The following ZFAT variants were observed in gnomAD, a reference collection of about 807,000 sequenced individuals.
ZFAT encodes the protein zinc finger protein ZFAT.
A neutral mutation model predicts 117.7 loss-of-function variants in ZFAT; 64 were observed. The ratio of observed to expected loss-of-function variants is 0.54; its 90% CI spans 0.44 to 0.67. The LOEUF is 0.67. Ranked by LOEUF, ZFAT falls within the 30% of genes least tolerant of loss-of-function variation. The pLI is 0.00. For synonymous variants in ZFAT, 679 were observed against 615.0 expected (o/e 1.10, Z -1.54); for missense variants, 1,433 against 1,584.5 (o/e 0.90, Z 1.62).
chr8:134,680,388 T>C (rs1489740514), intron 1 of ZFAT, among the ~76,000 whole-genome samples: 2 of 152,116 alleles, frequency 1.3e-5, no homozygotes, highest in African/African-American at 4.8e-5. Flanking sequence ...AAATTTGGAT[T>C]GTAATAAAAA....
At chr8:134,803,075 A>G in the ZFAT span, among the ~76,000 whole-genome samples, 221 of 152,358 alleles carry the variant, frequency 1.5e-3, 2 homozygotes, top group African/African-American at 5.1e-3. Context: ...CAAATGTTAC[A>G]TAACACAGAT....
chr8:134,724,383 G>T, the ZFAT span, among the ~76,000 whole-genome samples: 1 of 152,272 alleles, frequency 6.6e-6, no homozygotes, highest in East Asian at 1.9e-4. Flanking sequence ...CAGAAAGAAC[G>T]CATGCCCCTG....
At chr8:134,547,920 T>C (rs907661673) in intron 11 of ZFAT, among the ~76,000 whole-genome samples, 1 of 152,182 alleles carries the variant, frequency 6.6e-6, no homozygotes, top group African/African-American at 2.4e-5. Context: ...ATGTTTTATC[T>C]TGTATTAACC....
chr8:134,635,508 G>A (rs990702964), intron 3 of ZFAT, among the ~76,000 whole-genome samples: 2 of 152,204 alleles, frequency 1.3e-5, no homozygotes, highest in Admixed American at 1.3e-4. Flanking sequence ...AGAAACTACA[G>A]ACAGCAGAGC....
At chr8:134,677,331 C>A (rs1294249588) in intron 1 of ZFAT, among the ~76,000 whole-genome samples, 1 of 152,180 alleles carries the variant, frequency 6.6e-6, no homozygotes, top group Non-Finnish European at 1.5e-5. Flanking sequence ...TGCAAATAAA[C>A]TAGAAAATCT....
intron 3 of ZFAT, among the ~76,000 whole-genome samples, chr8:134,621,644 G>A (rs911057957): frequency 1.3e-5 from 2 of 151,974 alleles, no homozygotes; most frequent in Admixed American, 1.3e-4. Flanking sequence ...TTTTTTAACT[G>A]GCAGGAGCTT....
chr8:134,721,291 C>T, the ZFAT span, among the ~76,000 whole-genome samples: 1 of 152,164 alleles, frequency 6.6e-6, no homozygotes, highest in Non-Finnish European at 1.5e-5. Flanking sequence ...CACCCGGGCC[C>T]GATGTGAAAT....
At chr8:134,816,767 G>A in the ZFAT span, among the ~76,000 whole-genome samples, 3 of 152,216 alleles carry the variant, frequency 2.0e-5, no homozygotes, top group East Asian at 3.9e-4. Context: ...TGGATCAGGA[G>A]GTCAGGAGTT....
At chr8:134,640,851 T>C (rs769865550) in intron 2 of ZFAT, among the ~76,000 whole-genome samples, 3 of 152,246 alleles carry the variant, frequency 2.0e-5, no homozygotes, top group African/African-American at 7.2e-5. Flanking sequence ...TCGCATTTTA[T>C]GGCAGAGCTG....
chr8:134,817,394 TACACACAC>T, the ZFAT span, among the ~76,000 whole-genome samples: 612 of 126,064 alleles, frequency 4.9e-3, 2 homozygotes, highest in African/African-American at 0.01. Context: ...TCTCTCTCTC[TACACACAC>T]ACACACACAC....
chr8:134,480,883 T>A (rs1295828657), intron 15 of ZFAT, among the ~76,000 whole-genome samples: 1 of 152,008 alleles, frequency 6.6e-6, no homozygotes. Flanking sequence ...TCTCCATGAG[T>A]GAGAAGGGCT....
At chr8:134,813,240 T>C in the ZFAT span, among the ~76,000 whole-genome samples, 1 of 152,224 alleles carries the variant, frequency 6.6e-6, no homozygotes, top group Non-Finnish European at 1.5e-5. Flanking sequence ...CAGTTTTATA[T>C]TTTAGGCTGC....
At chr8:134,737,405 A>T in the ZFAT span, among the ~76,000 whole-genome samples, 1 of 152,264 alleles carries the variant, frequency 6.6e-6, no homozygotes, top group Non-Finnish European at 1.5e-5. Flanking sequence ...GAATAGTAAG[A>T]TGCTGGCTGG....
At chr8:134,683,345 C>T (rs902753159) in intron 1 of ZFAT, among the ~76,000 whole-genome samples, 1 of 152,184 alleles carries the variant, frequency 6.6e-6, no homozygotes, top group South Asian at 2.1e-4. Flanking sequence ...GGTTCCACAG[C>T]TACTTGATGA....
intron 2 of ZFAT, among the ~76,000 whole-genome samples, chr8:134,655,757 C>A (rs1831560586): frequency 6.6e-6 from 1 of 152,230 alleles, no homozygotes; most frequent in Non-Finnish European, 1.5e-5. Flanking sequence ...AAGAGCCAGT[C>A]TAGAAGTTCT....
chr8:134,574,400 G>A (rs1452000214), intron 10 of ZFAT, among the ~76,000 whole-genome samples: 1 of 151,954 alleles, frequency 6.6e-6, no homozygotes, highest in Non-Finnish European at 1.5e-5. Flanking sequence ...TGGCGACTTG[G>A]CACTAACAGT....
chr8:134,549,084 C>G (rs1284807819), intron 11 of ZFAT, among the ~76,000 whole-genome samples: 11 of 152,204 alleles, frequency 7.2e-5, no homozygotes, highest in Admixed American at 7.2e-4. Context: ...CCCAGTAAAG[C>G]TTGTGACTCT....
At chr8:134,662,060 T>C (rs912787180) in intron 1 of ZFAT, among the ~76,000 whole-genome samples, 3 of 152,214 alleles carry the variant, frequency 2.0e-5, no homozygotes, top group Non-Finnish European at 4.4e-5. Flanking sequence ...CTGACAGTTC[T>C]GGAGGCTGGG....
chr8:134,546,507 T>C (rs547922036), intron 11 of ZFAT, among the ~76,000 whole-genome samples: 1 of 152,340 alleles, frequency 6.6e-6, no homozygotes, highest in South Asian at 2.1e-4. Context: ...TTGAGAACTT[T>C]GAATTCAGAC....
Sources: gnomAD v4.1 joint callset for allele counts (sites outside exome capture counted in the v4.1 genomes callset) on GRCh38, gnomAD v4.1.1 for gene constraint, MANE v1.5 for transcripts, NCBI Gene and HGNC (gene_info 2026-07-23, HGNC 2026-07-21) for gene names.